The following HS6ST3 variants were observed in gnomAD, a reference collection of about 807,000 sequenced individuals.
The protein encoded by HS6ST3 is heparan-sulfate 6-O-sulfotransferase 3.
A neutral mutation model predicts 36.7 loss-of-function variants in HS6ST3; 12 were observed. That is an observed-to-expected ratio of 0.33 (90% CI 0.21 to 0.53). The LOEUF (loss-of-function observed/expected upper bound fraction) is 0.53. Ranked by LOEUF, HS6ST3 falls within the 20% of genes least tolerant of loss-of-function variation. HS6ST3 has a pLI of 0.95. For synonymous variants in HS6ST3, 240 were observed against 257.5 expected (o/e 0.93, Z 0.65); for missense variants, 584 against 640.9 (o/e 0.91, Z 0.96).
At chr13:96,441,559 A>G (rs559167911) in intron 1 of HS6ST3, among the ~76,000 whole-genome samples, 1 of 152,300 alleles carries the variant, frequency 6.6e-6, no homozygotes, top group South Asian at 2.1e-4. Context: ...AGCTACAAAA[A>G]CATGGAAAAA....
chr13:96,179,513 C>T (rs1361460628), intron 1 of HS6ST3, among the ~76,000 whole-genome samples: 1 of 152,200 alleles, frequency 6.6e-6, no homozygotes, highest in African/African-American at 2.4e-5. Flanking sequence ...ATCTACGAAG[C>T]TCTGTGCTGG....
intron 1 of HS6ST3, among the ~76,000 whole-genome samples, chr13:96,799,435 G>A (rs1360792700): frequency 6.6e-6 from 1 of 152,002 alleles, no homozygotes; most frequent in African/African-American, 2.4e-5. Flanking sequence ...CATACACCAT[G>A]GAATACTATG....
At chr13:96,604,434 C>A (rs904547153) in intron 1 of HS6ST3, among the ~76,000 whole-genome samples, 11 of 152,100 alleles carry the variant, frequency 7.2e-5, no homozygotes, top group African/African-American at 2.2e-4. Flanking sequence ...AATTTCAGTT[C>A]TTTGAGATGA....
chr13:96,258,141 T>A (rs1927800), intron 1 of HS6ST3, among the ~76,000 whole-genome samples: 1 of 151,980 alleles, frequency 6.6e-6, no homozygotes. Flanking sequence ...TAGTTCTTTA[T>A]TGAAGTCTGG....
intron 1 of HS6ST3, among the ~76,000 whole-genome samples, chr13:96,280,350 AT>A (rs1271277407): frequency 6.6e-6 from 1 of 152,128 alleles, no homozygotes; most frequent in Non-Finnish European, 1.5e-5. Context: ...TTAAAAAAAA[AT>A]CTACCATTTC....
intron 1 of HS6ST3, among the ~76,000 whole-genome samples, chr13:96,805,392 T>C (rs1412634469): frequency 6.6e-6 from 1 of 152,182 alleles, no homozygotes; most frequent in African/African-American, 2.4e-5. Context: ...TCTACCATGA[T>C]TTTAAGTTTC....
At chr13:96,764,402 T>C (rs1172972153) in intron 1 of HS6ST3, among the ~76,000 whole-genome samples, 1 of 152,236 alleles carries the variant, frequency 6.6e-6, no homozygotes, top group Non-Finnish European at 1.5e-5. Context: ...AAACCAAGCC[T>C]CATTATCATT....
intron 1 of HS6ST3, among the ~76,000 whole-genome samples, chr13:96,152,340 T>TTGTTGC (rs1415463568): frequency 7.0e-6 from 1 of 143,242 alleles, no homozygotes; most frequent in African/African-American, 2.6e-5. Context: ...TTTTTTGTTG[T>TTGTTGC]TGTTGTTGTT....
chr13:96,616,418 T>C (rs2056474530), intron 1 of HS6ST3, among the ~76,000 whole-genome samples: 1 of 152,178 alleles, frequency 6.6e-6, no homozygotes, highest in Non-Finnish European at 1.5e-5. Flanking sequence ...GTGTTCCTAT[T>C]TGGAAAAATG....
Position 96,684,734 on chromosome 13 carries a change from G to T in HS6ST3, c.708-147756G>T, listed in dbSNP as rs522005. Among the ~76,000 whole-genome samples the T allele has an allele frequency of 3.3e-5, 5 of 151,986 alleles. No individual in the cohort carries two copies. The East Asian group carries it at 5.8e-4, about 18-fold the overall frequency. ...TGACAGCCCTAACCTGTTATCACTA[G>T]GTAGTGCAGCTCCATGACATAAAAT... is the stretch of plus-strand genomic sequence containing the variant. On this transcript the variant is annotated intron_variant, in intron 1 of 1. Coordinates refer to ENST00000376705, the MANE Select transcript of HS6ST3 (RefSeq NM_153456.4).
intron 1 of HS6ST3, among the ~76,000 whole-genome samples, chr13:96,416,912 C>T (rs1253829638): frequency 6.6e-6 from 1 of 152,060 alleles, no homozygotes; most frequent in Non-Finnish European, 1.5e-5. Flanking sequence ...GCCACCATGC[C>T]CGGCTAATTT....
Position 96,837,428 on chromosome 13 carries a change from A to ACTC in HS6ST3, c.*4231_*4233dup, listed in dbSNP as rs1450485355. The ACTC allele has an allele frequency of 2.0e-5, 3 of 152,002 alleles. No individual in the cohort carries two copies. The highest frequency in any genetic ancestry group is 7.2e-5 in the African/African-American group (3 of 41,386). The allele number at this position is 152,002 out of a possible 1,614,324, so 9.4% of individuals were successfully genotyped here. ...AGATATGTTGAAAGATTTCCCAACG[A>ACTC]CTCTAATTTATGAGCAAGAAAGTTG... On this transcript the variant is annotated 3_prime_UTR_variant, in exon 2 of 2. Coordinates refer to ENST00000376705, the MANE Select transcript of HS6ST3 (RefSeq NM_153456.4).
intron 1 of HS6ST3, among the ~76,000 whole-genome samples, chr13:96,360,689 G>A (rs2055233807): frequency 6.7e-6 from 1 of 149,994 alleles, no homozygotes. Flanking sequence ...CTCAACGCCT[G>A]TAATCCCAGC....
intron 1 of HS6ST3, among the ~76,000 whole-genome samples, chr13:96,169,109 C>A (rs2054174930): frequency 6.6e-6 from 1 of 152,156 alleles, no homozygotes. Flanking sequence ...CCTAGCACTG[C>A]AAAGGGCTGC....
intron 1 of HS6ST3, among the ~76,000 whole-genome samples, chr13:96,507,363 G>A (rs896785165): frequency 6.6e-6 from 1 of 152,108 alleles, no homozygotes; most frequent in Non-Finnish European, 1.5e-5. Context: ...TTGTGGTTTT[G>A]CCTTTTCAGT....
intron 1 of HS6ST3, among the ~76,000 whole-genome samples, chr13:96,648,219 C>A (rs992051123): frequency 1.2e-4 from 18 of 152,042 alleles, no homozygotes; most frequent in African/African-American, 4.3e-4. Context: ...ACAACACAAG[C>A]TGTCACCTGA....
intron 1 of HS6ST3, among the ~76,000 whole-genome samples, chr13:96,183,610 T>C (rs1237874914): frequency 6.6e-6 from 1 of 152,206 alleles, no homozygotes; most frequent in Non-Finnish European, 1.5e-5. Context: ...TAAAGGAAGT[T>C]CTTACCTGTG....
intron 1 of HS6ST3, among the ~76,000 whole-genome samples, chr13:96,675,452 T>A (rs1037311288): frequency 2.0e-5 from 3 of 152,088 alleles, no homozygotes; most frequent in Admixed American, 6.6e-5. Context: ...AAAGATATAT[T>A]TATTTTTGTT....
intron 1 of HS6ST3, among the ~76,000 whole-genome samples, chr13:96,468,690 T>C (rs1044475415): frequency 6.6e-6 from 1 of 152,138 alleles, no homozygotes; most frequent in Non-Finnish European, 1.5e-5. Context: ...ACAAGAGAAA[T>C]CTACTATACG....
Sources: gnomAD v4.1 joint callset for allele counts (sites outside exome capture counted in the v4.1 genomes callset) on GRCh38, gnomAD v4.1.1 for gene constraint, MANE v1.5 for transcripts, NCBI Gene and HGNC (gene_info 2026-07-23, HGNC 2026-07-21) for gene names.